PRKCE: variants seen among roughly 807,000 people sequenced by gnomAD.
The protein encoded by PRKCE is protein kinase C epsilon type.
Under a neutral mutation model 85.4 loss-of-function variants are expected in PRKCE, and 16 were observed. The ratio of observed to expected loss-of-function variants is 0.19; its 90% CI spans 0.13 to 0.28. PRKCE has a LOEUF of 0.28. Ranked by LOEUF, PRKCE falls within the 10% of genes least tolerant of loss-of-function variation. The pLI, the probability that PRKCE is intolerant of heterozygous loss-of-function variation, is 1.00. For synonymous variants in PRKCE, 388 were observed against 371.5 expected, an observed-to-expected ratio of 1.04 and a Z score of -0.51; for missense variants, 573 against 975.2, an observed-to-expected ratio of 0.59 and a Z score of 5.49.
intron 2 of PRKCE, among the ~76,000 whole-genome samples, chr2:45,843,707 G>A (rs1209330378): frequency 6.6e-6 from 1 of 152,224 alleles, no homozygotes; most frequent in Non-Finnish European, 1.5e-5. Flanking sequence ...GGGAAGAAGG[G>A]AAGCCTAGAA....
rs918531198 is a variant in PRKCE at position 45,858,205 on chromosome 2, G to A, written c.412+15142G>A. 1.2e-4 allele frequency among the ~76,000 whole-genome samples: 18 copies of A among 152,162 alleles called. No individual in the cohort carries two copies. In the East Asian group the frequency reaches 1.7e-3, roughly 15 times the overall value. ...CTGTAACGATGGCCCTTCTAGCCGC[G>A]ACACTACCAGGCCAACTAGAAACAC... is the stretch of plus-strand genomic sequence containing the variant. On this transcript the variant is annotated intron_variant, in intron 2 of 14. Coordinates refer to ENST00000306156, the MANE Select transcript of PRKCE (RefSeq NM_005400.3).
intron 2 of PRKCE, among the ~76,000 whole-genome samples, chr2:45,955,568 C>G (rs983335969): frequency 2.0e-5 from 3 of 152,130 alleles, no homozygotes; most frequent in Non-Finnish European, 2.9e-5. Flanking sequence ...CCTGTAGTCC[C>G]AGCTACTTCA....
intron 10 of PRKCE, among the ~76,000 whole-genome samples, chr2:46,021,227 T>G (rs1369485895): frequency 1.3e-5 from 2 of 152,086 alleles, no homozygotes; most frequent in African/African-American, 2.4e-5. Context: ...GAAGACAACC[T>G]TGTGAGGAGG....
intron 2 of PRKCE, among the ~76,000 whole-genome samples, chr2:45,918,297 C>A (rs1697986168): frequency 6.6e-6 from 1 of 152,200 alleles, no homozygotes; most frequent in Non-Finnish European, 1.5e-5. Context: ...GCCTTTCGTT[C>A]CCCAGCAAGG....
At chr2:45,694,403 T>C (rs1677977024) in intron 1 of PRKCE, among the ~76,000 whole-genome samples, 1 of 152,050 alleles carries the variant, frequency 6.6e-6, no homozygotes, top group Non-Finnish European at 1.5e-5. Context: ...TCAGGGAACA[T>C]GGAGTATATG....
intron 10 of PRKCE, among the ~76,000 whole-genome samples, chr2:46,054,027 C>T (rs1666327477): frequency 1.3e-5 from 2 of 152,160 alleles, no homozygotes; most frequent in Admixed American, 1.3e-4. Context: ...GTGCATAGGT[C>T]CTTACTGCTC....
At chr2:46,104,031 G>C (rs1348093801) in intron 11 of PRKCE, among the ~76,000 whole-genome samples, 1 of 152,140 alleles carries the variant, frequency 6.6e-6, no homozygotes, top group Non-Finnish European at 1.5e-5. Context: ...TCCACCGTTT[G>C]CTTTATTTTC....
intron 2 of PRKCE, among the ~76,000 whole-genome samples, chr2:45,916,402 G>C (rs2103880981): frequency 6.6e-6 from 1 of 151,930 alleles, no homozygotes; most frequent in East Asian, 1.9e-4. Context: ...ACCACACCTG[G>C]CTAATTAAAA....
At chr2:45,759,583 G>C (rs150443587) in intron 1 of PRKCE, among the ~76,000 whole-genome samples, 1 of 152,170 alleles carries the variant, frequency 6.6e-6, no homozygotes, top group Non-Finnish European at 1.5e-5. Context: ...AGCAATTAGC[G>C]CCATCTCCTT....
intron 2 of PRKCE, among the ~76,000 whole-genome samples, chr2:45,865,236 C>A (rs1368058871): frequency 3.3e-5 from 5 of 152,128 alleles, no homozygotes; most frequent in African/African-American, 1.2e-4. Flanking sequence ...TGATTCTCAA[C>A]CCTCTTTAAT....
intron 1 of PRKCE, chr2:45,840,408 A>C (rs1691250587): frequency 1.3e-5 from 2 of 152,232 alleles, no homozygotes; most frequent in Admixed American, 1.3e-4. Context: ...ACTAGTGGTG[A>C]GAATTCTGGA....
At chr2:45,938,732 A>AAT (rs749654116) in intron 2 of PRKCE, among the ~76,000 whole-genome samples, 1 of 151,936 alleles carries the variant, frequency 6.6e-6, no homozygotes. Flanking sequence ...AAAGTAAACA[A>AAT]ATGTGCAAGT....
intron 1 of PRKCE, among the ~76,000 whole-genome samples, chr2:45,658,390 C>T (rs618511): frequency 0.01 from 1,589 of 151,628 alleles, 26 homozygotes; most frequent in African/African-American, 0.036. Flanking sequence ...GACAGTCAAG[C>T]GTTGTTTGAA....
intron 10 of PRKCE, among the ~76,000 whole-genome samples, chr2:46,076,923 G>C (rs983194803): frequency 6.6e-6 from 1 of 152,174 alleles, no homozygotes; most frequent in African/African-American, 2.4e-5. Context: ...CTACTCACCT[G>C]ATGAATCTAA....
At chr2:45,756,540 A>G (rs1684020415) in intron 1 of PRKCE, among the ~76,000 whole-genome samples, 1 of 152,244 alleles carries the variant, frequency 6.6e-6, no homozygotes, top group African/African-American at 2.4e-5. Flanking sequence ...TCTGTCATGA[A>G]TGTTCATAGC....
intron 11 of PRKCE, among the ~76,000 whole-genome samples, chr2:46,112,845 A>G (rs1558468076): frequency 1.3e-5 from 2 of 151,984 alleles, no homozygotes; most frequent in South Asian, 2.1e-4. Context: ...TCTATTTGTT[A>G]TATTCATTTT....
chr2:45,930,775 G>A lies in PRKCE; in HGVS notation c.413-45654G>A, dbSNP rs371295469. On this transcript the variant is annotated intron_variant, in intron 2 of 14. Coordinates refer to ENST00000306156, the MANE Select transcript of PRKCE (RefSeq NM_005400.3). Reference sequence around the variant, plus strand: ...TCCAGGTGTCAGATCAGGAAGGCTTGATGTGCAGTCCCCCTAAGAGTTGGC... The same window carrying A: ...TCCAGGTGTCAGATCAGGAAGGCTTAATGTGCAGTCCCCCTAAGAGTTGGC... Among the ~76,000 whole-genome samples the A allele has an allele frequency of 3.3e-5, 5 of 152,356 alleles. No homozygotes were observed. The East Asian group carries it at 7.7e-4, about 24-fold the overall frequency.
At chr2:45,955,230 G>C (rs1352711316) in intron 2 of PRKCE, among the ~76,000 whole-genome samples, 2 of 152,210 alleles carry the variant, frequency 1.3e-5, no homozygotes, top group African/African-American at 4.8e-5. Flanking sequence ...GGAGGAATTA[G>C]ATCTCAAAGG....
At chr2:46,108,562 G>A (rs1358644169) in intron 11 of PRKCE, among the ~76,000 whole-genome samples, 1 of 152,186 alleles carries the variant, frequency 6.6e-6, no homozygotes, top group East Asian at 1.9e-4. Context: ...AATGTTCATT[G>A]CTCCAGTGAT....
Sources: gnomAD v4.1 joint callset for allele counts (sites outside exome capture counted in the v4.1 genomes callset) on GRCh38, gnomAD v4.1.1 for gene constraint, MANE v1.5 for transcripts, NCBI Gene and HGNC (gene_info 2026-07-23, HGNC 2026-07-21) for gene names.